Variants in ORC4 observed in about 807,000 individuals in gnomAD.
The protein encoded by ORC4 is origin recognition complex subunit 4, also known as origin recognition complex, subunit 4 homolog.
A neutral mutation model predicts 63.9 loss-of-function variants in ORC4; 55 were observed. The observed-to-expected ratio is 0.86, with a 90% CI of 0.69 to 1.08. ORC4 has a LOEUF of 1.08. ORC4 is among the 50% of genes least tolerant of loss of function. ORC4 has a pLI of 0.00. For missense variants in ORC4, 511 were observed against 504.4 expected (o/e 1.01, Z -0.13); for synonymous variants, 150 against 168.5 (o/e 0.89, Z 0.85).
At chr2:147,993,430 T>C (rs1691744928) in intron 1 of ORC4, among the ~76,000 whole-genome samples, 1 of 152,120 alleles carries the variant, frequency 6.6e-6, no homozygotes, top group South Asian at 2.1e-4. Flanking sequence ...ACCCTAGAAA[T>C]TATCCTAGAA....
chr2:147,938,860 AC>A (rs973917832), intron 11 of ORC4, among the ~76,000 whole-genome samples: 7 of 152,146 alleles, frequency 4.6e-5, no homozygotes, highest in African/African-American at 1.7e-4. Flanking sequence ...AATGACTGAA[AC>A]CCAGAGAATG....
chr2:147,938,207 T>C lies in ORC4; in HGVS notation c.1061A>G (p.Gln354Arg), dbSNP rs202055516. 11 of 1,612,436 alleles carry C rather than the reference T, an allele frequency of 6.8e-6. No homozygotes were observed. The East Asian group carries it at 2.5e-4, about 36-fold the overall frequency. The stretch of plus-strand genomic sequence containing the variant: ...ATGTGCTTTCCTTTGAACAAACTTC[T>C]GAAACTCTGAGTAGAAAGCAATGAC... ...FNFQMVYNEF[Q>R]KFVQRKAHSV... The change falls in exon 13 of 14, where the codon CAG (glutamine) becomes CGG (arginine). Residue 354 changes from glutamine (Q) to arginine (R), a missense_variant. Gln to Arg is a conservative substitution (Grantham distance 43). Coordinates refer to ENST00000392857, the MANE Select transcript of ORC4 (RefSeq NM_181741.4).
intron 1 of ORC4, among the ~76,000 whole-genome samples, chr2:147,989,202 A>G (rs1400752530): frequency 6.6e-6 from 1 of 152,164 alleles, no homozygotes; most frequent in Non-Finnish European, 1.5e-5. Context: ...ATAAAAAGGC[A>G]CGCTCTGAGT....
intron 1 of ORC4, among the ~76,000 whole-genome samples, chr2:147,994,687 C>G (rs1691830205): frequency 1.3e-5 from 2 of 152,184 alleles, no homozygotes; most frequent in African/African-American, 4.8e-5. Context: ...CACAAAAAAT[C>G]TAAAAATGGA....
chr2:147,993,459 T>G (rs1691746877), intron 1 of ORC4, among the ~76,000 whole-genome samples: 2 of 152,186 alleles, frequency 1.3e-5, no homozygotes, highest in South Asian at 4.1e-4. Context: ...AAATTTTCCC[T>G]AAAAACTTTT....
intron 6 of ORC4, among the ~76,000 whole-genome samples, chr2:147,955,983 C>A (rs575233944): frequency 7.8e-4 from 118 of 151,978 alleles, no homozygotes; most frequent in African/African-American, 2.8e-3. Flanking sequence ...TGGAATATAG[C>A]CAAAACATTT....
intron 4 of ORC4, among the ~76,000 whole-genome samples, chr2:147,966,528 C>T (rs1689902898): frequency 6.6e-6 from 1 of 151,948 alleles, no homozygotes; most frequent in Admixed American, 6.6e-5. Context: ...AGACATCAAA[C>T]TGAATATCAC....
intron 1 of ORC4, among the ~76,000 whole-genome samples, chr2:148,018,545 T>C (rs1381217001): frequency 6.6e-6 from 1 of 151,786 alleles, no homozygotes; most frequent in African/African-American, 2.4e-5. Flanking sequence ...GACTAAACTG[T>C]GGCTCATTTC....
intron 1 of ORC4, among the ~76,000 whole-genome samples, chr2:147,997,701 T>G (rs1409415738): frequency 1.4e-4 from 21 of 152,170 alleles, no homozygotes. Context: ...TATTAGCATC[T>G]TGGAATTATT....
At chr2:147,982,704 G>A (rs1690960393) in intron 1 of ORC4, among the ~76,000 whole-genome samples, 1 of 152,066 alleles carries the variant, frequency 6.6e-6, no homozygotes, top group African/African-American at 2.4e-5. Context: ...TAAAGTTTTA[G>A]TCCAAAGGTT....
intron 8 of ORC4, 42 bp downstream of exon 8, chr2:147,952,330 TA>T (rs1483127432): frequency 7.1e-7 from 1 of 1,405,070 alleles, no homozygotes; most frequent in African/African-American, 1.5e-5. Context: ...GCTTGAATTT[TA>T]AAATATTATA....
intron 1 of ORC4, among the ~76,000 whole-genome samples, chr2:147,986,790 T>TACACATACACACAC (rs1691224287): frequency 6.7e-6 from 1 of 148,540 alleles, no homozygotes; most frequent in Non-Finnish European, 1.5e-5. Flanking sequence ...CACACACACA[T>TACACATACACACAC]ACACACACAC....
intron 1 of ORC4, among the ~76,000 whole-genome samples, chr2:147,990,744 A>G (rs1428083386): frequency 6.6e-6 from 1 of 152,242 alleles, no homozygotes; most frequent in Non-Finnish European, 1.5e-5. Context: ...AATTTACTTA[A>G]GGACACATTC....
At chr2:147,987,514 C>A (rs1479098093) in intron 1 of ORC4, among the ~76,000 whole-genome samples, 4 of 151,636 alleles carry the variant, frequency 2.6e-5, no homozygotes, top group Admixed American at 6.6e-5. Context: ...GAACCATGTA[C>A]CTCAGCTGGA....
intron 6 of ORC4, among the ~76,000 whole-genome samples, chr2:147,956,081 A>C (rs949380993): frequency 1.3e-5 from 2 of 152,056 alleles, no homozygotes; most frequent in African/African-American, 4.8e-5. Flanking sequence ...GCCCCATTAA[A>C]ATATTTGTTT....
Position 147,931,104 on chromosome 2 carries a change from G to GTGT in ORC4, c.*4403_*4405dup, listed in dbSNP as rs1553447996. The GTGT allele has an allele frequency of 2.7e-5, 4 of 148,116 alleles. No homozygotes were observed. Among genetic ancestry groups the GTGT allele is most frequent in the East Asian group, 3.9e-4 (2 of 5,082 alleles). The allele number at this position is 148,116 out of a possible 1,614,324, so 9.2% of individuals were successfully genotyped here. ...TCCCACCTATGAGTGAGAATATGCG[G>GTGT]TGTTTGGTTTTTTGTTCTTGTGATA... On this transcript the variant is annotated 3_prime_UTR_variant, in exon 14 of 14. Coordinates refer to ENST00000392857, the MANE Select transcript of ORC4 (RefSeq NM_181741.4).
chr2:147,938,799 C>T (rs1407750420), intron 11 of ORC4: 2 of 334,586 alleles, frequency 6.0e-6, no homozygotes, highest in Non-Finnish European at 1.1e-5. Context: ...TCCTTTTTTC[C>T]CCGGAGAGGA....
intron 4 of ORC4, among the ~76,000 whole-genome samples, chr2:147,963,002 G>A (rs1689693138): frequency 6.6e-6 from 1 of 152,092 alleles, no homozygotes; most frequent in African/African-American, 2.4e-5. Flanking sequence ...AAGCATCCCT[G>A]TGAACACATA....
chr2:147,992,593 T>A (rs1204750646), intron 1 of ORC4, among the ~76,000 whole-genome samples: 1 of 152,136 alleles, frequency 6.6e-6, no homozygotes. Context: ...TACTTCAGGG[T>A]ATATGTTCAT....
Sources: allele counts gnomAD v4.1 joint callset (sites outside exome capture counted in the v4.1 genomes callset), GRCh38; gene constraint gnomAD v4.1.1; transcripts MANE v1.5; gene names NCBI Gene and HGNC (gene_info 2026-07-23, HGNC 2026-07-21).